The following FNDC3B variants were observed in gnomAD, a reference collection of about 807,000 sequenced individuals.
FNDC3B encodes the protein fibronectin type III domain containing 3B.
FNDC3B carries 12 observed loss-of-function variants against 151.5 expected under a neutral mutation model. That is an observed-to-expected ratio of 0.08 (90% CI 0.05 to 0.13). The LOEUF (loss-of-function observed/expected upper bound fraction) is 0.13, where lower values mean the gene tolerates loss of function less well. Among genes scored for constraint, FNDC3B ranks in the 10% least tolerant of loss-of-function variants. The pLI is 1.00. For synonymous variants in FNDC3B, 528 were observed against 549.0 expected, an observed-to-expected ratio of 0.96 and a Z score of 0.54; for missense variants, 1,214 against 1,505.3, an observed-to-expected ratio of 0.81 and a Z score of 3.20.
At chr3:172,050,733 G>GTGTGTGTGTGTATA (rs397991660) in intron 1 of FNDC3B, among the ~76,000 whole-genome samples, 1,484 of 137,846 alleles carry the variant, frequency 0.011, 11 homozygotes, top group Admixed American at 0.037. Context: ...GTGTGTGTGT[G>GTGTGTGTGTGTATA]TATAGTGTGT....
At chr3:172,087,844 CTGAT>C (rs1356362131) in intron 1 of FNDC3B, among the ~76,000 whole-genome samples, 2 of 152,108 alleles carry the variant, frequency 1.3e-5, no homozygotes, top group Non-Finnish European at 2.9e-5. Flanking sequence ...CACGTGAAGG[CTGAT>C]TGAGAATTTG....
intron 3 of FNDC3B, among the ~76,000 whole-genome samples, chr3:172,134,046 A>G (rs1721241060): frequency 6.6e-6 from 1 of 152,212 alleles, no homozygotes; most frequent in South Asian, 2.1e-4. Flanking sequence ...AGGCTGCCCA[A>G]CACAGGCTAC....
chr3:172,369,682 C>G (rs1455093421), intron 23 of FNDC3B, among the ~76,000 whole-genome samples: 1 of 152,114 alleles, frequency 6.6e-6, no homozygotes, highest in Non-Finnish European at 1.5e-5. Flanking sequence ...GCTGTTGGCA[C>G]GTTCATGCTT....
intron 1 of FNDC3B, among the ~76,000 whole-genome samples, chr3:172,082,881 G>T (rs1718353262): frequency 6.6e-6 from 1 of 152,176 alleles, no homozygotes; most frequent in South Asian, 2.1e-4. Flanking sequence ...GAAGTAAGAG[G>T]TACTGAATTA....
At chr3:172,296,713 C>T (rs1576884142) in intron 8 of FNDC3B, among the ~76,000 whole-genome samples, 1 of 152,168 alleles carries the variant, frequency 6.6e-6, no homozygotes, top group Non-Finnish European at 1.5e-5. Flanking sequence ...GCCATGTCCC[C>T]CATGCCTGGC....
At chr3:172,285,890 G>T (rs371941656) in intron 6 of FNDC3B, 36 bp from the exon 7 acceptor site, 1 of 1,545,508 alleles carries the variant, frequency 6.5e-7, no homozygotes, top group Non-Finnish European at 8.9e-7. Context: ...GCCTTCTAAT[G>T]GTATTGTTTT....
At chr3:172,286,135 A>T in intron 7 of FNDC3B, 151 bp downstream of exon 7, 1 of 618,678 alleles carries the variant, frequency 1.6e-6, no homozygotes, top group Non-Finnish European at 2.8e-6. Flanking sequence ...CGGTTCAGTT[A>T]TTAATGGACC....
At chr3:172,171,644 ACT>A (rs1723290052) in intron 3 of FNDC3B, among the ~76,000 whole-genome samples, 1 of 146,346 alleles carries the variant, frequency 6.8e-6, no homozygotes, top group African/African-American at 2.5e-5. Context: ...ATCTCCCCTG[ACT>A]CTCAGAATTC....
chr3:172,171,541 G>A (rs1026906620), intron 3 of FNDC3B, among the ~76,000 whole-genome samples: 2 of 151,680 alleles, frequency 1.3e-5, no homozygotes, highest in Non-Finnish European at 2.9e-5. Flanking sequence ...GGTTGGGGGA[G>A]GTTTAGAGGG....
intron 3 of FNDC3B, among the ~76,000 whole-genome samples, chr3:172,155,583 G>A (rs1365384972): frequency 1.3e-5 from 2 of 152,162 alleles, no homozygotes; most frequent in Admixed American, 6.5e-5. Flanking sequence ...CATTGGCCAG[G>A]TTTTCCAGTG....
chr3:172,313,294 A>T (rs893127542), intron 11 of FNDC3B, among the ~76,000 whole-genome samples: 1 of 152,092 alleles, frequency 6.6e-6, no homozygotes, highest in African/African-American at 2.4e-5. Context: ...GCAGGAGAGG[A>T]TAATTGAAGG....
chr3:172,217,032 T>C (rs1297273157), intron 3 of FNDC3B, among the ~76,000 whole-genome samples: 3 of 152,164 alleles, frequency 2.0e-5, no homozygotes, highest in African/African-American at 7.2e-5. Context: ...GGTCTCCCCG[T>C]CCCCCACATG....
chr3:172,332,826 A>C (rs928498616), intron 13 of FNDC3B, among the ~76,000 whole-genome samples: 3 of 152,240 alleles, frequency 2.0e-5, no homozygotes, highest in Non-Finnish European at 4.4e-5. Flanking sequence ...ATGTATTTTC[A>C]AAAGTTGCTT....
chr3:172,056,588 T>A (rs1448953463), intron 1 of FNDC3B, among the ~76,000 whole-genome samples: 1 of 152,240 alleles, frequency 6.6e-6, no homozygotes, highest in Admixed American at 6.5e-5. Flanking sequence ...TCTCAGTGTC[T>A]TAGCACTCTC....
intron 11 of FNDC3B, among the ~76,000 whole-genome samples, chr3:172,320,483 C>T (rs933236270): frequency 3.9e-5 from 6 of 152,184 alleles, no homozygotes; most frequent in Non-Finnish European, 8.8e-5. Context: ...GGAGAAAGTT[C>T]ACCATGAATT....
intron 9 of FNDC3B, 174 bp from the exon 10 acceptor site, chr3:172,307,189 C>G (rs1277208198): frequency 3.2e-6 from 2 of 617,544 alleles, no homozygotes; most frequent in Admixed American, 2.9e-5. Context: ...ATGACTGTCC[C>G]CTGTTAATGC....
chr3:172,329,203 A>G lies in FNDC3B; in HGVS notation c.1379+127A>G, dbSNP rs1362409830. On this transcript the variant is annotated intron_variant, in intron 12 of 25. Coordinates refer to ENST00000415807, the MANE Select transcript of FNDC3B (RefSeq NM_022763.4). Reference sequence around the variant, plus strand: ...CTAAATCAACTGGAGGTTTTCCAAGAGGGAATCCTAATCAGAGGAGAGAAG... The same window carrying G: ...CTAAATCAACTGGAGGTTTTCCAAGGGGGAATCCTAATCAGAGGAGAGAAG... 8.9e-6 allele frequency: 10 copies of G among 1,129,932 alleles called. No homozygotes were observed. The East Asian group carries it at 2.2e-4, about 25-fold the overall frequency. The allele number at this position is 1,129,932 out of a possible 1,614,324, so 70.0% of individuals were successfully genotyped here.
intron 3 of FNDC3B, among the ~76,000 whole-genome samples, chr3:172,146,069 T>A (rs9840449): frequency 6.6e-6 from 1 of 151,960 alleles, no homozygotes; most frequent in South Asian, 2.1e-4. Flanking sequence ...CGCCTCGGCC[T>A]CCCAGAGTGC....
chr3:172,132,870 A>G (rs1330829504), intron 2 of FNDC3B, among the ~76,000 whole-genome samples: 1 of 152,220 alleles, frequency 6.6e-6, no homozygotes, highest in Non-Finnish European at 1.5e-5. Flanking sequence ...GTTGTCTAAT[A>G]TTAAATATTT....
Sources: allele counts gnomAD v4.1 joint callset (sites outside exome capture counted in the v4.1 genomes callset), GRCh38; gene constraint gnomAD v4.1.1; transcripts MANE v1.5; gene names NCBI Gene and HGNC (gene_info 2026-07-23, HGNC 2026-07-21).